The following NDUFAF6 variants were observed in gnomAD, a reference collection of about 807,000 sequenced individuals.
NDUFAF6 encodes NADH:ubiquinone oxidoreductase complex assembly factor 6.
Under a neutral mutation model 40.8 loss-of-function variants are expected in NDUFAF6, and 45 were observed. The ratio of observed to expected loss-of-function variants is 1.10; its 90% CI spans 0.87 to 1.42. NDUFAF6 has a LOEUF of 1.42. Ranked by LOEUF, NDUFAF6 falls within the 40% of genes most tolerant of loss-of-function variation. The probability of loss-of-function intolerance (pLI) is 0.00; values close to 1 mark genes in which losing one functional copy is unlikely to be tolerated. For synonymous variants in NDUFAF6, 185 were observed against 155.9 expected (o/e 1.19, Z -1.39); for missense variants, 435 against 418.5 (o/e 1.04, Z -0.34).
At chr8:94,915,824 C>T (rs1819091679) in intron 1 of NDUFAF6, among the ~76,000 whole-genome samples, 1 of 152,162 alleles carries the variant, frequency 6.6e-6, no homozygotes, top group Non-Finnish European at 1.5e-5. Context: ...GGTTAAGTTT[C>T]TGTCTAGGAA....
At chr8:94,953,197 A>C (rs1322756690), upstream of NDUFAF6, among the ~76,000 whole-genome samples, 1 of 152,088 alleles carries the variant, frequency 6.6e-6, no homozygotes, top group East Asian at 1.9e-4. Context: ...AAAATACAAA[A>C]TTAGCTGGTC....
chr8:95,115,525 T>G (rs1192373941), intron 4 of NDUFAF6: 1 of 152,070 alleles, frequency 6.6e-6, no homozygotes, highest in African/African-American at 2.4e-5. Flanking sequence ...CCTTCTTTTT[T>G]TTTTTTTCAG....
At chr8:95,047,949 G>C (rs1830995891) in intron 6 of NDUFAF6, among the ~76,000 whole-genome samples, 1 of 151,658 alleles carries the variant, frequency 6.6e-6, no homozygotes, top group Admixed American at 6.6e-5. Flanking sequence ...ACTCATGCCT[G>C]TAATCCCAGC....
intron 1 of NDUFAF6, among the ~76,000 whole-genome samples, chr8:94,974,106 C>T (rs1375629195): frequency 2.6e-5 from 4 of 152,170 alleles, no homozygotes; most frequent in African/African-American, 7.2e-5. Context: ...TCATACCACC[C>T]TGCACTGTGG....
intron 4 of NDUFAF6, among the ~76,000 whole-genome samples, chr8:95,111,869 A>G (rs948749406): frequency 6.6e-6 from 1 of 152,220 alleles, no homozygotes; most frequent in Non-Finnish European, 1.5e-5. Flanking sequence ...GAGTTTTAAA[A>G]TACTGTTTAG....
intron 1 of NDUFAF6, among the ~76,000 whole-genome samples, chr8:95,029,315 A>G (rs2131746918): frequency 6.6e-6 from 1 of 152,346 alleles, no homozygotes; most frequent in East Asian, 1.9e-4. Flanking sequence ...GTAAATTTAC[A>G]TAAAAATTAC....
intron 2 of NDUFAF6, among the ~76,000 whole-genome samples, chr8:94,999,711 C>T (rs1490394581): frequency 4.6e-5 from 7 of 152,292 alleles, no homozygotes; most frequent in East Asian, 1.9e-4. Flanking sequence ...GCCACCACAC[C>T]GGGCCCATTC....
At chr8:94,988,027 G>T (rs1270621766) in intron 2 of NDUFAF6, among the ~76,000 whole-genome samples, 1 of 152,212 alleles carries the variant, frequency 6.6e-6, no homozygotes, top group African/African-American at 2.4e-5. Context: ...CTTAAGGCCT[G>T]TGGGTTCTGG....
chr8:95,061,616 A>G (rs796137431), downstream of NDUFAF6, among the ~76,000 whole-genome samples: 13 of 152,346 alleles, frequency 8.5e-5, no homozygotes, highest in African/African-American at 3.1e-4. Flanking sequence ...CTTAAAAGTT[A>G]GGACTCTCCA....
chr8:95,015,070 A>C (rs1827382967), intron 2 of NDUFAF6, among the ~76,000 whole-genome samples: 1 of 152,176 alleles, frequency 6.6e-6, no homozygotes, highest in South Asian at 2.1e-4. Context: ...CTACAGTGGA[A>C]AGAGAGCGGA....
intron 3 of NDUFAF6, among the ~76,000 whole-genome samples, chr8:95,039,597 G>T (rs922353939): frequency 1.9e-4 from 29 of 151,834 alleles, no homozygotes; most frequent in African/African-American, 6.8e-4. Context: ...TAAGAATAGT[G>T]ATACTTATAA....
chr8:95,036,712 T>C (rs80251976), intron 3 of NDUFAF6, among the ~76,000 whole-genome samples: 4,309 of 152,324 alleles, frequency 0.028, 220 homozygotes, highest in African/African-American at 0.097. Context: ...AGTCCTTTGA[T>C]GCAAATTTAT....
chr8:94,965,256 G>T (rs35032356), intron 1 of NDUFAF6, among the ~76,000 whole-genome samples: 19,927 of 111,148 alleles, frequency 0.18, 1,637 homozygotes, highest in Middle Eastern at 0.29. Flanking sequence ...ATAATTAAAG[G>T]ACCGGGGCAG....
chr8:94,912,058 T>C (rs1818819158), intron 1 of NDUFAF6, among the ~76,000 whole-genome samples: 1 of 152,220 alleles, frequency 6.6e-6, no homozygotes, highest in African/African-American at 2.4e-5. Flanking sequence ...TTAGGAGGTA[T>C]TACCACCAGA....
At chr8:94,912,532 C>G (rs1563703052) in intron 1 of NDUFAF6, among the ~76,000 whole-genome samples, 2 of 152,048 alleles carry the variant, frequency 1.3e-5, no homozygotes, top group Non-Finnish European at 2.9e-5. Flanking sequence ...TGCGGTGGCT[C>G]ACGCCTGTAA....
intron 1 of NDUFAF6, 55 bp downstream of exon 1, chr8:95,025,260 G>A (rs1173912070): frequency 3.0e-6 from 4 of 1,344,102 alleles, no homozygotes; most frequent in Admixed American, 8.1e-5. Context: ...CGGGGTGGGA[G>A]CGGCTGCGCC....
chr8:95,025,306 C>A, intron 1 of NDUFAF6, 101 bp downstream of exon 1: 1 of 1,188,758 alleles, frequency 8.4e-7, no homozygotes, highest in Non-Finnish European at 1.1e-6. Flanking sequence ...AGCGGACCGG[C>A]GCCTTCCTCG....
intron 8 of NDUFAF6, among the ~76,000 whole-genome samples, chr8:95,056,005 A>G (rs1832073109): frequency 1.3e-5 from 2 of 152,110 alleles, no homozygotes; most frequent in South Asian, 4.1e-4. Context: ...GTCTTTCATC[A>G]TTTTATATAT....
chr8:95,070,748 C>T (rs1832822399), intron 9 of NDUFAF6, among the ~76,000 whole-genome samples: 1 of 152,146 alleles, frequency 6.6e-6, no homozygotes, highest in Non-Finnish European at 1.5e-5. Flanking sequence ...AATATATCAA[C>T]AACTTCAAGC....
Sources: gnomAD v4.1 joint callset for allele counts (sites outside exome capture counted in the v4.1 genomes callset) on GRCh38, gnomAD v4.1.1 for gene constraint, MANE v1.5 for transcripts, NCBI Gene and HGNC (gene_info 2026-07-23, HGNC 2026-07-21) for gene names.